Variants in DYNC1LI2 observed in about 807,000 individuals in gnomAD.
The protein encoded by DYNC1LI2 is cytoplasmic dynein 1 light intermediate chain 2.
DYNC1LI2 carries 19 observed loss-of-function variants against 57.8 expected under a neutral mutation model. The ratio of observed to expected loss-of-function variants is 0.33; its 90% CI spans 0.23 to 0.48. The LOEUF (loss-of-function observed/expected upper bound fraction) is 0.48, where lower values mean the gene tolerates loss of function less well. Ranked by LOEUF, DYNC1LI2 falls within the 20% of genes least tolerant of loss-of-function variation. The probability of loss-of-function intolerance (pLI) is 0.99; values close to 1 mark genes in which losing one functional copy is unlikely to be tolerated. For synonymous variants in DYNC1LI2, 256 were observed against 233.4 expected (o/e 1.10, Z -0.88); for missense variants, 470 against 604.2 (o/e 0.78, Z 2.33).
At position 66,751,282 on chromosome 16, in the gene DYNC1LI2, G is replaced by T. The variant is rs754765250; in HGVS notation, c.172C>A (p.Leu58Met). 2 of 1,611,904 alleles carry T rather than the reference G, an allele frequency of 1.2e-6. No homozygotes were observed. Among genetic ancestry groups the T allele is most frequent in the Non-Finnish European group, 1.7e-6 (2 of 1,179,034 alleles). Residue 58 changes from leucine (L) to methionine (M), a missense_variant, in exon 2 of 13, where the codon CTG becomes ATG. Transcript: ENST00000258198. The surrounding 1 kb of genome is among the most constrained non-coding windows in gnomAD (Gnocchi z 5.2). ...RSKLPSGKNI[L>M]VFGEDGSGKT... ...CGCCGCCGGCGCTCACCGAAGACCA[G>T]GATGTTCTTGCCGGACGGCAGCTTG... is the stretch of plus-strand genomic sequence containing the variant.
chr16:66,741,653 G>A (rs181191544), intron 4 of DYNC1LI2, among the ~76,000 whole-genome samples: 2 of 152,212 alleles, frequency 1.3e-5, no homozygotes, highest in African/African-American at 2.4e-5. Flanking sequence ...GCCAGGCTGG[G>A]TCAAGCTTGC....
chr16:66,751,474 C>G lies in DYNC1LI2; in HGVS notation c.107+11G>C. On this transcript the variant is annotated intron_variant, in intron 1 of 12. Coordinates refer to ENST00000258198, the MANE Select transcript of DYNC1LI2 (RefSeq NM_006141.3). This position sits in a 1 kb window ranked among gnomAD's most constrained non-coding sequence, Gnocchi z 5.2. The stretch of plus-strand genomic sequence containing the variant: ...CCCCCCACGGCCCGGCCCGACCGCC[C>G]GCGGCCTCACCATAGGCTCTGGCCT... The G allele has an allele frequency of 3.2e-6, 5 of 1,586,190 alleles. No individual in the cohort carries two copies. The highest frequency in any genetic ancestry group is 1.1e-5 in the South Asian group (1 of 88,696).
rs746957228 is a variant in DYNC1LI2, at chr16:66,723,764, T to C, written c.1437A>G (p.Pro479=). The change falls in exon 13 of 13, where the codon CCA becomes CCG. Residue 479 remains proline (P), a synonymous_variant. Coordinates refer to ENST00000258198, the MANE Select transcript of DYNC1LI2 (RefSeq NM_006141.3). ...QEELDRMTRK[P]DSMVTNSSTE... ...TTGAAGAGTTTGTTACCATAGAGTC[T>C]GGCTTTCGAGTCATTCTATCCAGTT... 6.2e-7 allele frequency: 1 copy of C among 1,610,242 alleles called. No individual in the cohort carries two copies. The highest frequency in any genetic ancestry group is 1.7e-5 in the Admixed American group (1 of 59,408).
intron 2 of DYNC1LI2, 54 bp from the exon 3 acceptor site, chr16:66,749,367 G>A: frequency 1.9e-6 from 3 of 1,542,426 alleles, no homozygotes; most frequent in Non-Finnish European, 2.7e-6. Context: ...GGCAAGGATG[G>A]GGAGGCATGA....
chr16:66,723,136 G>C lies in DYNC1LI2; in HGVS notation c.*586C>G. 2.9e-6 allele frequency: 1 copy of C among 343,056 alleles called. No homozygotes were observed. The highest frequency in any genetic ancestry group is 5.8e-6 in the Non-Finnish European group (1 of 171,688). The allele number at this position is 343,056 out of a possible 1,614,324, so 21.3% of individuals were successfully genotyped here. The stretch of plus-strand genomic sequence containing the variant: ...TCAAAATAAGCCTAATTCCCATTTT[G>C]CTTAGTGTTTTGTTTGGAAATGCTT... On this transcript the variant is annotated 3_prime_UTR_variant, in exon 13 of 13. Transcript: ENST00000258198.
At chr16:66,738,233 T>TAC (rs937147746) in intron 4 of DYNC1LI2, 2 of 148,014 alleles carry the variant, frequency 1.4e-5, no homozygotes, top group African/African-American at 5.0e-5. Flanking sequence ...ATTTCATCTC[T>TAC]ACAGCTTCTT....
At position 66,727,713 on chromosome 16, in the gene DYNC1LI2, T is replaced by G; in HGVS notation, c.1236A>C (p.Val412=). Residue 412 remains valine (V), a synonymous_variant, in exon 11 of 13, where the codon GTA becomes GTC. Coordinates refer to ENST00000258198, the MANE Select transcript of DYNC1LI2 (RefSeq NM_006141.3). ...TTTTGATGTTTGGGTCCGGCTTTTT[T>G]ACTGACGTGCCTGGGGAGGAGCTAG... is the stretch of plus-strand genomic sequence containing the variant. ...SVPSSSPGTS[V]KKPDPNIKNN... 6.2e-7 allele frequency: 1 copy of G among 1,614,146 alleles called. No homozygotes were observed. The highest frequency in any genetic ancestry group is 8.5e-7 in the Non-Finnish European group (1 of 1,179,996).
intron 9 of DYNC1LI2, among the ~76,000 whole-genome samples, 154 bp from the exon 10 acceptor site, chr16:66,728,396 G>A (rs2017573985): frequency 6.6e-6 from 1 of 152,112 alleles, no homozygotes; most frequent in Non-Finnish European, 1.5e-5. Flanking sequence ...AATTTTAATT[G>A]AGCCGTTTGG....
chr16:66,722,810 T>A lies in DYNC1LI2; in HGVS notation c.*912A>T, dbSNP rs1251869216. On this transcript the variant is annotated 3_prime_UTR_variant, in exon 13 of 13. Transcript: ENST00000258198. ...AACCAGAGGTTCATCACCTATTTTG[T>A]ATTAGTTAGGCCAGCCTGTGATAGT... 1 of 153,280 alleles carries A rather than the reference T, an allele frequency of 6.5e-6. No homozygotes were observed. The highest frequency in any genetic ancestry group is 2.4e-5 in the African/African-American group (1 of 41,350). 9.5% of individuals were successfully genotyped at this position (153,280 alleles called of 1,614,324 possible). A position where few individuals can be genotyped will look rare whatever the true frequency, so the allele number is the denominator to read the frequency against.
rs780921127 is a variant in DYNC1LI2 at position 66,729,030 on chromosome 16, GTCT to G, written c.1101+7_1101+9del. 5 of 1,613,952 alleles carry G rather than the reference GTCT, an allele frequency of 3.1e-6. No homozygotes were observed. The African/African-American group carries it at 5.3e-5, about 17-fold the overall frequency. On this transcript the variant is annotated splice_region_variant and intron_variant, in intron 9 of 12. Transcript: ENST00000258198. Reference sequence around the variant, plus strand: ...GAAGGCCTCTGTTCTAACCTCACTGGTCTTCTTACCTGTTGCTTCATTAGGAAC... The same window carrying G: ...GAAGGCCTCTGTTCTAACCTCACTGGTCTTACCTGTTGCTTCATTAGGAAC...
chr16:66,751,144 G>T lies in DYNC1LI2; in HGVS notation c.181+129C>A. On this transcript the variant is annotated intron_variant, in intron 2 of 12. Transcript: ENST00000258198. The surrounding 1 kb of genome is among the most constrained non-coding windows in gnomAD (Gnocchi z 5.2). Reference sequence around the variant, plus strand: ...TGACCACTCTCCAGCTGACCGGCCAGGGCCGACGGTCCCTTTCCCGCCAGG... The same window carrying T: ...TGACCACTCTCCAGCTGACCGGCCATGGCCGACGGTCCCTTTCCCGCCAGG... 1.8e-6 allele frequency: 2 copies of T among 1,105,840 alleles called. No individual in the cohort carries two copies. The highest frequency in any genetic ancestry group is 2.5e-6 in the Non-Finnish European group (2 of 788,900). The allele number at this position is 1,105,840 out of a possible 1,614,324, so 68.5% of individuals were successfully genotyped here. A position where few individuals can be genotyped will look rare whatever the true frequency, so the allele number is the denominator to read the frequency against.
In DYNC1LI2 at chr16:66,749,222, G is replaced by T. The variant is rs1397352797; in HGVS notation, c.273C>A (p.Leu91=). 3.1e-6 allele frequency: 5 copies of T among 1,614,090 alleles called. No individual in the cohort carries two copies. The highest frequency in any genetic ancestry group is 4.2e-6 in the Non-Finnish European group (5 of 1,180,044). Residue 91 remains leucine (L), a synonymous_variant, in exon 3 of 13, where the codon CTC becomes CTA. Coordinates refer to ENST00000258198, the MANE Select transcript of DYNC1LI2 (RefSeq NM_006141.3). ...CATCTCGGTCCTCATCATGGACACT[G>T]AGGTAGAGATATTCTAGGCCTCTTC... The part of the protein sequence containing the change: ...KKGRGLEYLY[L]SVHDEDRDDH...
At position 66,742,651 on chromosome 16, in the gene DYNC1LI2, C is replaced by G. The variant is rs774901981; in HGVS notation, c.316G>C (p.Val106Leu). 6.2e-7 allele frequency: 1 copy of G among 1,614,184 alleles called. No individual in the cohort carries two copies. Reference sequence around the variant, plus strand: ...TACAAGTCTCCATCCAGAATCCACACGTTGCAGCGCGTGTGATCTGAGAAA... The same window carrying G: ...TACAAGTCTCCATCCAGAATCCACAGGTTGCAGCGCGTGTGATCTGAGAAA... ...EDRDDHTRCNVWILDGDLYHK... is the reference protein window; with the variant it reads ...EDRDDHTRCNLWILDGDLYHK... Residue 106 changes from valine to leucine, a missense_variant, in exon 4 of 13, where the codon GTG (valine) becomes CTG (leucine). Coordinates refer to ENST00000258198, the MANE Select transcript of DYNC1LI2 (RefSeq NM_006141.3).
At chr16:66,750,923 G>A (rs1371494240) in intron 2 of DYNC1LI2, among the ~76,000 whole-genome samples, 2 of 152,160 alleles carry the variant, frequency 1.3e-5, no homozygotes, top group African/African-American at 4.8e-5. Flanking sequence ...ACAGCTCCGA[G>A]CCCAGGTCAC....
chr16:66,726,079 G>A lies in DYNC1LI2; in HGVS notation c.1262-135C>T, dbSNP rs942722967. The A allele has an allele frequency of 2.3e-5, 19 of 841,944 alleles. No homozygotes were observed. In the African/African-American group the frequency reaches 2.7e-4, roughly 12 times the overall value. 52.2% of individuals were successfully genotyped at this position (841,944 alleles called of 1,614,324 possible). On this transcript the variant is annotated intron_variant, in intron 11 of 12. Transcript: ENST00000258198. ...GATATTGATAACATTCATTCGCTAC[G>A]ATGCCTTTACACTGCTACTGCTGAG...
chr16:66,734,382 A>G, intron 5 of DYNC1LI2, 71 bp from the exon 6 acceptor site: 1 of 1,436,158 alleles, frequency 7.0e-7, no homozygotes, highest in Admixed American at 1.9e-5. Context: ...CTCATTCTTC[A>G]GAAATAAAGT....
At position 66,751,504 on chromosome 16, in the gene DYNC1LI2, C is replaced by T. The variant is rs1191970307; in HGVS notation, c.88G>A (p.Glu30Lys). 3 of 1,589,804 alleles carry T rather than the reference C, an allele frequency of 1.9e-6. No individual in the cohort carries two copies. The highest frequency in any genetic ancestry group is 2.6e-6 in the Non-Finnish European group (3 of 1,170,608). The change falls in exon 1 of 13, where the codon GAG becomes AAG. Residue 30 changes from glutamate (E) to lysine (K), a missense_variant. Physicochemically the swap from Glu to Lys is moderately conservative, Grantham distance 56. Coordinates refer to ENST00000258198, the MANE Select transcript of DYNC1LI2 (RefSeq NM_006141.3). The surrounding 1 kb of genome is among the most constrained non-coding windows in gnomAD (Gnocchi z 5.2). ...AAAGDLTSEE[E>K]EGQSLWSSIL... is the part of the protein sequence containing the mutation. Reference sequence around the variant, plus strand: ...CCTCACCATAGGCTCTGGCCTTCCTCCTCCTCACTGGTCAGGTCGCCGGCG... The same window carrying T: ...CCTCACCATAGGCTCTGGCCTTCCTTCTCCTCACTGGTCAGGTCGCCGGCG...
intron 7 of DYNC1LI2, 104 bp from the exon 8 acceptor site, chr16:66,730,327 T>A: frequency 1.1e-6 from 1 of 928,208 alleles, no homozygotes. Flanking sequence ...TCACAAGATA[T>A]AGTGTGTAGT....
intron 4 of DYNC1LI2, among the ~76,000 whole-genome samples, chr16:66,737,536 T>TAAGAACATGCTGTTTC (rs1320843316): frequency 6.6e-6 from 1 of 150,444 alleles, no homozygotes; most frequent in African/African-American, 2.4e-5. Flanking sequence ...TTGAATTTTA[T>TAAGAACATGCTGTTTC]AAGAACATGC....
Sources: allele counts gnomAD v4.1 joint callset (sites outside exome capture counted in the v4.1 genomes callset), GRCh38; gene constraint gnomAD v4.1.1; non-coding constraint Gnocchi (gnomAD v3.1); transcripts MANE v1.5; gene names NCBI Gene and HGNC (gene_info 2026-07-23, HGNC 2026-07-21).